NUBPL: variants seen among roughly 807,000 people sequenced by gnomAD.
NUBPL encodes iron-sulfur cluster transfer protein NUBPL.
A neutral mutation model predicts 45.7 loss-of-function variants in NUBPL; 31 were observed. The observed-to-expected ratio is 0.68, with a 90% CI of 0.51 to 0.92. The LOEUF (loss-of-function observed/expected upper bound fraction) is 0.92, where lower values mean the gene tolerates loss of function less well. NUBPL is among the 40% of genes least tolerant of loss of function. NUBPL has a pLI of 0.00. For missense variants in NUBPL, 401 were observed against 398.7 expected (o/e 1.01, Z -0.05); for synonymous variants, 144 against 140.9 (o/e 1.02, Z -0.15).
At chr14:31,801,873 T>A (rs929827270) in intron 7 of NUBPL, among the ~76,000 whole-genome samples, 1 of 152,178 alleles carries the variant, frequency 6.6e-6, no homozygotes, top group African/African-American at 2.4e-5. Context: ...AATCCTGTTT[T>A]GATTTCTTAT....
intron 6 of NUBPL, among the ~76,000 whole-genome samples, chr14:31,726,691 G>T (rs1254158850): frequency 6.6e-6 from 1 of 151,846 alleles, no homozygotes; most frequent in African/African-American, 2.4e-5. Context: ...ATTCTCACAG[G>T]TCATCTGGAT....
Position 31,812,275 on chromosome 14 carries a change from C to T in NUBPL, c.608-14354C>T, listed in dbSNP as rs372362054. ...GGAGCCTACAGAGACATTTGGGCCT[C>T]GTTGAGCTGTGGTGGGCTCCACCTA... is the stretch of plus-strand genomic sequence containing the variant. On this transcript the variant is annotated intron_variant, in intron 7 of 10. Coordinates refer to ENST00000281081, the MANE Select transcript of NUBPL (RefSeq NM_025152.3). Among the ~76,000 whole-genome samples, 28 of 152,304 alleles carry T rather than the reference C, an allele frequency of 1.8e-4. 1 individual carries two copies. In the East Asian group the frequency reaches 1.9e-3, roughly 10 times the overall value.
rs10611566 is a variant in NUBPL, at chr14:31,851,235, C to CT, written c.897+1049dup. Among the ~76,000 whole-genome samples, 754 of 139,044 alleles carry CT rather than the reference C, an allele frequency of 5.4e-3. 3 individuals carry two copies. The highest frequency in any genetic ancestry group is 0.013 in the East Asian group (62 of 4,638). 91.2% of individuals were successfully genotyped at this position (139,044 alleles called of 152,430 possible). On this transcript the variant is annotated intron_variant, in intron 10 of 10. Transcript: ENST00000281081. ...CCCAATCAATCTTCTAATAGTTTTT[C>CT]TTTTTTTTTTTTTTTCTTTTCCTTA...
chr14:31,731,408 C>A (rs948237002), intron 6 of NUBPL, among the ~76,000 whole-genome samples: 6 of 152,158 alleles, frequency 3.9e-5, no homozygotes, highest in African/African-American at 1.4e-4. Flanking sequence ...ATTTTTTATG[C>A]CTCTGGGTTT....
intron 6 of NUBPL, among the ~76,000 whole-genome samples, chr14:31,727,558 A>G (rs536681110): frequency 1.5e-4 from 23 of 152,310 alleles, no homozygotes; most frequent in African/African-American, 1.9e-4. Flanking sequence ...AAAGTTATGT[A>G]TATTTTAAAA....
intron 3 of NUBPL, among the ~76,000 whole-genome samples, chr14:31,584,147 T>C (rs537902972): frequency 9.2e-5 from 14 of 152,100 alleles, no homozygotes; most frequent in African/African-American, 2.9e-4. Context: ...GTTCCAGCAG[T>C]TTTCTTTTTT....
At chr14:31,768,901 T>C (rs57356499) in intron 6 of NUBPL, among the ~76,000 whole-genome samples, 229 of 152,240 alleles carry the variant, frequency 1.5e-3, no homozygotes, top group Middle Eastern at 0.014. Flanking sequence ...ACTTATGCCA[T>C]GTATGTCAAT....
chr14:31,663,087 T>C (rs1004219286), intron 4 of NUBPL, among the ~76,000 whole-genome samples: 1 of 152,198 alleles, frequency 6.6e-6, no homozygotes, highest in Non-Finnish European at 1.5e-5. Flanking sequence ...TTTGATGGGG[T>C]TGTTTTTTTC....
chr14:31,818,140 C>T (rs1225863772), intron 7 of NUBPL, among the ~76,000 whole-genome samples: 1 of 152,004 alleles, frequency 6.6e-6, no homozygotes, highest in Admixed American at 6.6e-5. Flanking sequence ...ATATATGCAC[C>T]CAATAAAGGA....
At chr14:31,759,715 G>A (rs757377499) in intron 6 of NUBPL, among the ~76,000 whole-genome samples, 5 of 150,820 alleles carry the variant, frequency 3.3e-5, no homozygotes, top group Admixed American at 6.6e-5. Context: ...TTGGGGTAAT[G>A]ATATGTGGTA....
intron 7 of NUBPL, among the ~76,000 whole-genome samples, chr14:31,812,054 G>T (rs1010512677): frequency 6.6e-6 from 1 of 152,306 alleles, no homozygotes; most frequent in Admixed American, 6.5e-5. Context: ...GTGTCAGTCG[G>T]CCCCTACTGG....
At chr14:31,792,457 A>G (rs1373276333) in intron 7 of NUBPL, among the ~76,000 whole-genome samples, 1 of 139,842 alleles carries the variant, frequency 7.2e-6, no homozygotes, top group Non-Finnish European at 1.5e-5. Flanking sequence ...GTGATTCTTG[A>G]AGAGACCAGT....
chr14:31,566,562 T>G (rs1278490139), intron 3 of NUBPL, among the ~76,000 whole-genome samples: 2 of 152,090 alleles, frequency 1.3e-5, no homozygotes, highest in Admixed American at 1.3e-4. Flanking sequence ...AGGACACCCT[T>G]GAGTCCTTAT....
intron 6 of NUBPL, among the ~76,000 whole-genome samples, chr14:31,708,001 C>T (rs2037491684): frequency 6.6e-6 from 1 of 152,140 alleles, no homozygotes; most frequent in Non-Finnish European, 1.5e-5. Flanking sequence ...AACTGGGAGT[C>T]AGAGTGCGGG....
intron 6 of NUBPL, among the ~76,000 whole-genome samples, chr14:31,710,925 A>G (rs8019296): frequency 0.3 from 44,910 of 152,056 alleles, 7,497 homozygotes; most frequent in South Asian, 0.41. Flanking sequence ...CTAAAGAAGG[A>G]AATAGAGTCC....
At chr14:31,829,581 A>T (rs1255816328) in intron 8 of NUBPL, among the ~76,000 whole-genome samples, 5 of 152,184 alleles carry the variant, frequency 3.3e-5, no homozygotes, top group African/African-American at 1.2e-4. Context: ...TAAGTGTTTT[A>T]TAAATACAAA....
At chr14:31,748,448 T>C (rs976425982) in intron 6 of NUBPL, among the ~76,000 whole-genome samples, 1 of 152,200 alleles carries the variant, frequency 6.6e-6, no homozygotes. Flanking sequence ...TCCCTTAGAC[T>C]GAATATTTGC....
intron 6 of NUBPL, among the ~76,000 whole-genome samples, chr14:31,750,970 A>C (rs1312626205): frequency 6.6e-6 from 1 of 152,218 alleles, no homozygotes. Flanking sequence ...ACTTCTTCAC[A>C]TGGTGGCAGG....
chr14:31,575,839 A>G (rs762808516), intron 3 of NUBPL, among the ~76,000 whole-genome samples: 1 of 152,192 alleles, frequency 6.6e-6, no homozygotes, highest in Non-Finnish European at 1.5e-5. Context: ...TGTTTAAAGT[A>G]TAGTTATTTT....
Sources: allele counts gnomAD v4.1 joint callset (sites outside exome capture counted in the v4.1 genomes callset), GRCh38; gene constraint gnomAD v4.1.1; transcripts MANE v1.5; gene names NCBI Gene and HGNC (gene_info 2026-07-23, HGNC 2026-07-21).